PHF3: variants seen among roughly 807,000 people sequenced by gnomAD.
PHF3 encodes the protein PHD finger protein 3.
A neutral mutation model predicts 178.4 loss-of-function variants in PHF3; 41 were observed. The observed-to-expected ratio is 0.23, with a 90% confidence interval of 0.18 to 0.30. PHF3 has a LOEUF of 0.30. PHF3 is among the 10% of genes least tolerant of loss of function. The pLI, the probability that PHF3 is intolerant of heterozygous loss-of-function variation, is 1.00. For missense variants in PHF3, 2,346 were observed against 2,398.1 expected (o/e 0.98, Z 0.45); for synonymous variants, 842 against 800.5 (o/e 1.05, Z -0.88).
chr6:63,703,850 T>C (rs1767582275), intron 11 of PHF3, among the ~76,000 whole-genome samples, 179 bp downstream of exon 11: 2 of 152,200 alleles, frequency 1.3e-5, no homozygotes, highest in Non-Finnish European at 2.9e-5. Flanking sequence ...TTTGATACTG[T>C]GGTATAGTCT....
Position 63,681,989 on chromosome 6 carries a change from A to G in PHF3, c.406+1828A>G, listed in dbSNP as rs907708666. ...CCATAACTTATTAGATTGCTAGCAT[A>G]TTATGGAAGCCTGTAAGGGAAACTG... On this transcript the variant is annotated intron_variant, in intron 3 of 15. Transcript: ENST00000262043. Among the ~76,000 whole-genome samples the G allele has an allele frequency of 9.2e-5, 14 of 152,120 alleles. No individual in the cohort carries two copies. In the East Asian group the frequency reaches 1.9e-3, roughly 21 times the overall value.
At chr6:63,652,482 T>A (rs9449607) in intron 2 of PHF3, among the ~76,000 whole-genome samples, 5,317 of 152,278 alleles carry the variant, frequency 0.035, 297 homozygotes, top group African/African-American at 0.12. Context: ...TCTCCCATTC[T>A]GTAGGTTTCT....
chr6:63,658,026 C>T lies in PHF3; in HGVS notation c.244+11231C>T, dbSNP rs747017490. Among the ~76,000 whole-genome samples, 4 of 152,178 alleles carry T rather than the reference C, an allele frequency of 2.6e-5. No homozygotes were observed. In the South Asian group the frequency reaches 8.3e-4, roughly 31 times the overall value. On this transcript the variant is annotated intron_variant, in intron 2 of 15. Coordinates refer to ENST00000262043, the MANE Select transcript of PHF3 (RefSeq NM_001370348.2). Reference sequence around the variant, plus strand: ...ATTTAAGTTCAGGGTTAAGAAAATACTTTCTCTTACTTTGAGTTCAATGCT... The same window carrying T: ...ATTTAAGTTCAGGGTTAAGAAAATATTTTCTCTTACTTTGAGTTCAATGCT...
In PHF3 at chr6:63,712,291, C is replaced by A; in HGVS notation, c.4703C>A (p.Ser1568Tyr). The change falls in exon 16 of 16, where the codon TCT (serine) becomes TAT (tyrosine). Residue 1568 changes from serine (S) to tyrosine (Y), a missense_variant. Ser to Tyr is a moderately radical substitution (Grantham distance 144, BLOSUM62 -2). This residue lies in a region of PHF3 where 839 missense variants were observed against 806.9 expected (regional missense o/e 1.04). Transcript: ENST00000262043. ...CTCAGAGGTAAGCCACCAGATGTTT[C>A]TACAGAAGCATTTTTAACAAATTTA... ...LSLRGKPPDV[S>Y]TEAFLTNLSI... 6.2e-7 allele frequency: 1 copy of A among 1,613,506 alleles called. No homozygotes were observed. Among genetic ancestry groups the A allele is most frequent in the Non-Finnish European group, 8.5e-7 (1 of 1,179,844 alleles).
Position 63,719,771 on chromosome 6 carries a change from T to C in PHF3, c.*6063T>C, listed in dbSNP as rs538382405. On this transcript the variant is annotated 3_prime_UTR_variant, in exon 16 of 16. Coordinates refer to ENST00000262043, the MANE Select transcript of PHF3 (RefSeq NM_001370348.2). ...AATTAAGGTTAATTTTTTAATTTGA[T>C]CAGTTAATATGAGTACATGGTTTTA... 6.6e-6 allele frequency among the ~76,000 whole-genome samples: 1 copy of C among 152,202 alleles called. No individual in the cohort carries two copies. The highest frequency in any genetic ancestry group is 2.4e-5 in the African/African-American group (1 of 41,568).
At position 63,694,687 on chromosome 6, in the gene PHF3, C is replaced by T. The variant is rs1362152609; in HGVS notation, c.2603C>T (p.Ser868Phe). The T allele has an allele frequency of 1.2e-6, 2 of 1,600,764 alleles. No individual in the cohort carries two copies. The highest frequency in any genetic ancestry group is 2.3e-5 in the East Asian group (1 of 44,258). Residue 868 changes from serine to phenylalanine, a missense_variant, in exon 6 of 16, where the codon TCC (serine) becomes TTC (phenylalanine). Coordinates refer to ENST00000262043, the MANE Select transcript of PHF3 (RefSeq NM_001370348.2). ...GGACAACCAGTTTTACCTCGGAGAT[C>T]CTCAGAAGAAAAAAGTGAAAAAATA... ...KMGQPVLPRR[S>F]SEEKSEKIPK...
intron 11 of PHF3, 151 bp from the exon 12 acceptor site, chr6:63,705,878 C>T: frequency 3.3e-6 from 2 of 603,838 alleles, no homozygotes; most frequent in Non-Finnish European, 5.6e-6. Context: ...TGTGATACAA[C>T]TAAATGATGA....
chr6:63,638,305 T>C (rs1207736332), intron 1 of PHF3, among the ~76,000 whole-genome samples: 1 of 152,082 alleles, frequency 6.6e-6, no homozygotes, highest in East Asian at 1.9e-4. Context: ...AGAGCTTAGA[T>C]TTTTTTCATA....
chr6:63,712,502 T>C lies in PHF3; in HGVS notation c.4914T>C (p.Asn1638=). 1.2e-6 allele frequency: 2 copies of C among 1,613,900 alleles called. No individual in the cohort carries two copies. The highest frequency in any genetic ancestry group is 1.1e-5 in the South Asian group (1 of 91,080). The change falls in exon 16 of 16, where the codon AAT becomes AAC. Residue 1638 remains asparagine, a synonymous_variant. Transcript: ENST00000262043. ...GCTGTAGTGAAAACCTTGTTGCTAA[T>C]ACAGCGAGGTCTCCACAGTTTATCA... ...NVSCSENLVA[N]TARSPQFINL...
Position 63,719,092 on chromosome 6 carries a change from A to G in PHF3, c.*5384A>G, listed in dbSNP as rs948357927. Among the ~76,000 whole-genome samples, 2 of 151,918 alleles carry G rather than the reference A, an allele frequency of 1.3e-5. No homozygotes were observed. Among genetic ancestry groups the G allele is most frequent in the African/African-American group, 4.8e-5 (2 of 41,380 alleles). On this transcript the variant is annotated 3_prime_UTR_variant, in exon 16 of 16. Coordinates refer to ENST00000262043, the MANE Select transcript of PHF3 (RefSeq NM_001370348.2). Reference sequence around the variant, plus strand: ...ATTCTACCTTATATTCTACCCTCACACTTCCTAGTATTAATATGAACTGTA... The same window carrying G: ...ATTCTACCTTATATTCTACCCTCACGCTTCCTAGTATTAATATGAACTGTA...
intron 2 of PHF3, among the ~76,000 whole-genome samples, chr6:63,659,458 C>G (rs1219752434): frequency 6.6e-6 from 1 of 152,012 alleles, no homozygotes; most frequent in African/African-American, 2.4e-5. Flanking sequence ...GCTCTTTTCT[C>G]TTAAGGGATT....
chr6:63,644,912 GT>G (rs1462519390), intron 1 of PHF3, among the ~76,000 whole-genome samples: 1 of 150,652 alleles, frequency 6.6e-6, no homozygotes, highest in Non-Finnish European at 1.5e-5. Flanking sequence ...TTGGGCACAG[GT>G]TCTGGCTCTT....
chr6:63,657,137 C>T (rs1037752224), intron 2 of PHF3, among the ~76,000 whole-genome samples: 4 of 152,158 alleles, frequency 2.6e-5, no homozygotes, highest in Admixed American at 6.6e-5. Flanking sequence ...GTCTTTCCAA[C>T]ATTTTGCTTT....
At chr6:63,640,907 A>T (rs1323363944) in intron 1 of PHF3, among the ~76,000 whole-genome samples, 1 of 152,106 alleles carries the variant, frequency 6.6e-6, no homozygotes, top group Non-Finnish European at 1.5e-5. Context: ...ACTAGATGCA[A>T]ATAGTACCCT....
intron 2 of PHF3, 108 bp from the exon 3 acceptor site, chr6:63,679,892 G>A (rs1179960845): frequency 4.5e-6 from 4 of 883,858 alleles, no homozygotes; most frequent in East Asian, 2.6e-5. Context: ...ATTTTCAAGA[G>A]TATGTAGTGT....
chr6:63,655,213 ACCACCATGCCCG>A (rs1456603251), intron 2 of PHF3, among the ~76,000 whole-genome samples: 8 of 151,924 alleles, frequency 5.3e-5, no homozygotes, highest in African/African-American at 1.7e-4. Context: ...ATAGGTGCCC[ACCACCATGCCCG>A]CCACCATGCC....
intron 10 of PHF3, 48 bp from the exon 11 acceptor site, chr6:63,703,488 G>A (rs759208992): frequency 1.9e-6 from 3 of 1,565,242 alleles, no homozygotes; most frequent in Non-Finnish European, 1.7e-6. Flanking sequence ...TGATAATTGA[G>A]GCCAAATTTT....
intron 2 of PHF3, 38 bp downstream of exon 2, chr6:63,646,833 T>C: frequency 7.9e-7 from 1 of 1,262,096 alleles, no homozygotes. Flanking sequence ...TTTTTTAGTC[T>C]GCAATTTAAA....
chr6:63,688,067 C>T lies in PHF3; in HGVS notation c.2189+2156C>T, dbSNP rs907978546. ...GGCGTGCTGGCGGGCGCCTGTAGTC[C>T]CAGCTACTTGGGAGGCTGAGGCAGG... On this transcript the variant is annotated intron_variant, in intron 4 of 15. Transcript: ENST00000262043. Among the ~76,000 whole-genome samples, 21 of 151,132 alleles carry T rather than the reference C, an allele frequency of 1.4e-4. 1 individual carries two copies. The highest frequency in any genetic ancestry group is 5.9e-4 in the Admixed American group (9 of 15,184).
Sources: gnomAD v4.1 joint callset for allele counts (sites outside exome capture counted in the v4.1 genomes callset) on GRCh38, gnomAD v4.1.1 for gene constraint, gnomAD v4.1.1 regional missense constraint, MANE v1.5 for transcripts, NCBI Gene and HGNC (gene_info 2026-07-23, HGNC 2026-07-21) for gene names.